Variants in SOX6 observed in about 807,000 individuals in gnomAD.
SOX6 encodes the protein SRY-box transcription factor 6, also known as transcription factor SOX-6.
A neutral mutation model predicts 97.8 loss-of-function variants in SOX6; 11 were observed. The ratio of observed to expected loss-of-function variants is 0.11; its 90% CI spans 0.07 to 0.19. The LOEUF (loss-of-function observed/expected upper bound fraction) is 0.19. Among genes scored for constraint, SOX6 ranks in the 10% least tolerant of loss-of-function variants. SOX6 has a pLI of 1.00. For missense variants in SOX6, 810 were observed against 1,039.5 expected (o/e 0.78, Z 3.04); for synonymous variants, 360 against 371.4 (o/e 0.97, Z 0.35).
intron 1 of SOX6, among the ~76,000 whole-genome samples, chr11:16,422,557 T>C (rs1247536300): frequency 6.6e-6 from 1 of 152,182 alleles, no homozygotes; most frequent in African/African-American, 2.4e-5. Context: ...ATAATGGGAA[T>C]AAAAACATTT....
intron 9 of SOX6, among the ~76,000 whole-genome samples, chr11:16,070,783 G>A (rs936591267): frequency 1.2e-4 from 18 of 152,022 alleles, no homozygotes; most frequent in African/African-American, 4.3e-4. Context: ...CTGGCGGGGG[G>A]GCACACTCTC....
At chr11:16,052,930 CT>C (rs1847721223) in intron 10 of SOX6, among the ~76,000 whole-genome samples, 2 of 152,112 alleles carry the variant, frequency 1.3e-5, no homozygotes, top group African/African-American at 4.8e-5. Context: ...GTTTTGTTTG[CT>C]ACATTCTGGT....
chr11:16,074,460 G>A (rs969566234), intron 9 of SOX6, among the ~76,000 whole-genome samples: 4 of 151,924 alleles, frequency 2.6e-5, no homozygotes, highest in Non-Finnish European at 4.4e-5. Context: ...AAAGCCTACC[G>A]ACAAGAAAAA....
intron 1 of SOX6, among the ~76,000 whole-genome samples, chr11:16,351,958 G>A (rs539130668): frequency 1.3e-5 from 2 of 152,074 alleles, no homozygotes; most frequent in African/African-American, 4.8e-5. Flanking sequence ...ACAATGTTTT[G>A]TGAAAAGAAA....
chr11:16,444,605 A>T (rs2133089393), intron 1 of SOX6, among the ~76,000 whole-genome samples: 1 of 152,218 alleles, frequency 6.6e-6, no homozygotes, highest in East Asian at 1.9e-4. Context: ...ATGTAAGTCA[A>T]AACAAGTTAG....
chr11:16,195,646 C>T (rs1190687350), intron 4 of SOX6, among the ~76,000 whole-genome samples: 1 of 152,134 alleles, frequency 6.6e-6, no homozygotes, highest in Non-Finnish European at 1.5e-5. Context: ...TAGCAGCAAG[C>T]CTGGCAGACC....
At chr11:16,186,052 C>T (rs1851465261) in intron 5 of SOX6, among the ~76,000 whole-genome samples, 1 of 152,122 alleles carries the variant, frequency 6.6e-6, no homozygotes, top group Non-Finnish European at 1.5e-5. Flanking sequence ...TTAATGTACT[C>T]TTATGAGACA....
chr11:16,119,303 G>T (rs553114310), intron 6 of SOX6, among the ~76,000 whole-genome samples: 8 of 152,244 alleles, frequency 5.3e-5, no homozygotes, highest in African/African-American at 1.7e-4. Context: ...TATCTCACTT[G>T]ACAGGATAAA....
Position 16,049,932 on chromosome 11 carries a change from C to T in SOX6, c.1258G>A (p.Ala420Thr). The T allele has an allele frequency of 6.2e-7, 1 of 1,613,592 alleles. No individual in the cohort carries two copies. Among genetic ancestry groups the T allele is most frequent in the South Asian group, 1.1e-5 (1 of 91,066 alleles). ...GAGAGATTCAGAGGCTGTGCTGCTG[C>T]TTCATCCTACAAGAGTTTAACGTAA... Reference protein sequence around the residue: ...TSPVTQVKDEAAAQPLNLSSR... With the variant: ...TSPVTQVKDETAAQPLNLSSR... Residue 420 changes from alanine to threonine, a missense_variant, in exon 11 of 16, where the codon GCA becomes ACA. By Grantham distance (58) the Ala-to-Thr change is moderately conservative (BLOSUM62 0). Transcript: ENST00000683767.
intron 1 of SOX6, among the ~76,000 whole-genome samples, chr11:16,471,462 G>T (rs2133116049): frequency 6.6e-6 from 1 of 151,776 alleles, no homozygotes; most frequent in South Asian, 2.1e-4. Flanking sequence ...AGACAGACTT[G>T]CACACCTTAC....
intron 1 of SOX6, among the ~76,000 whole-genome samples, chr11:16,426,460 C>A (rs907815121): frequency 1.3e-5 from 2 of 151,870 alleles, no homozygotes; most frequent in African/African-American, 4.8e-5. Flanking sequence ...AAAACAGACA[C>A]ATAGACCAAT....
chr11:16,318,249 G>GA (rs1376322390), intron 3 of SOX6, 197 bp downstream of exon 3: 7 of 611,242 alleles, frequency 1.1e-5, no homozygotes, highest in Non-Finnish European at 8.6e-6. Flanking sequence ...CAAAGTTTTA[G>GA]AAAAACGGAG....
chr11:16,344,307 GT>G (rs959284084), intron 1 of SOX6, among the ~76,000 whole-genome samples: 3 of 151,740 alleles, frequency 2.0e-5, no homozygotes, highest in African/African-American at 7.3e-5. Flanking sequence ...TGCACAAATT[GT>G]TTTTAATGCA....
chr11:16,013,589 A>G (rs1854794700), intron 13 of SOX6, among the ~76,000 whole-genome samples: 2 of 151,716 alleles, frequency 1.3e-5, no homozygotes, highest in African/African-American at 4.8e-5. Flanking sequence ...CTTCCTATCT[A>G]TCCTCCCTCT....
intron 15 of SOX6, among the ~76,000 whole-genome samples, chr11:15,983,643 G>A (rs895263062): frequency 6.6e-6 from 1 of 151,982 alleles, no homozygotes; most frequent in African/African-American, 2.4e-5. Flanking sequence ...CTACTTAAAA[G>A]AGAATACAAA....
At chr11:15,978,809 A>G (rs923145580) in intron 15 of SOX6, among the ~76,000 whole-genome samples, 4 of 137,022 alleles carry the variant, frequency 2.9e-5, no homozygotes, top group Non-Finnish European at 4.7e-5. Context: ...ATATATCTAT[A>G]TATAATATAG....
chr11:16,260,346 C>T (rs1373113262), intron 3 of SOX6, among the ~76,000 whole-genome samples: 1 of 152,114 alleles, frequency 6.6e-6, no homozygotes, highest in Non-Finnish European at 1.5e-5. Flanking sequence ...TTTATTTACA[C>T]AAATCCTTAA....
intron 10 of SOX6, among the ~76,000 whole-genome samples, chr11:16,054,648 A>G (rs1332724456): frequency 6.6e-6 from 1 of 152,196 alleles, no homozygotes; most frequent in African/African-American, 2.4e-5. Context: ...GTGATTATAT[A>G]GCATCCAATG....
At chr11:16,328,792 C>A (rs1471557161) in intron 2 of SOX6, among the ~76,000 whole-genome samples, 3 of 152,062 alleles carry the variant, frequency 2.0e-5, no homozygotes, top group African/African-American at 4.8e-5. Context: ...GGAAATCTAA[C>A]CTTTTTAATA....
Sources: allele counts gnomAD v4.1 joint callset (sites outside exome capture counted in the v4.1 genomes callset), GRCh38; gene constraint gnomAD v4.1.1; transcripts MANE v1.5; gene names NCBI Gene and HGNC (gene_info 2026-07-23, HGNC 2026-07-21).